The following ULK4 variants were observed in gnomAD, a reference collection of about 807,000 sequenced individuals.
ULK4 encodes the protein inactive serine/threonine-protein kinase ULK4.
Under a neutral mutation model 160.6 loss-of-function variants are expected in ULK4, and 133 were observed. That is an observed-to-expected ratio of 0.83 (90% CI 0.72 to 0.96). The LOEUF is 0.96. Ranked by LOEUF, ULK4 falls within the 40% of genes least tolerant of loss-of-function variation. ULK4 has a pLI of 0.00. For synonymous variants in ULK4, 534 were observed against 539.8 expected (o/e 0.99, Z 0.15); for missense variants, 1,580 against 1,499.5 (o/e 1.05, Z -0.89).
chr3:41,934,443 T>C (rs1226235794), intron 4 of ULK4, among the ~76,000 whole-genome samples: 1 of 152,186 alleles, frequency 6.6e-6, no homozygotes, highest in Non-Finnish European at 1.5e-5. Context: ...AAGTAAAAAC[T>C]CAGACCAGTA....
chr3:41,876,390 A>G (rs888724228), intron 17 of ULK4, among the ~76,000 whole-genome samples: 1 of 152,246 alleles, frequency 6.6e-6, no homozygotes, highest in African/African-American at 2.4e-5. Flanking sequence ...AAACTGGTAA[A>G]TACTTATTTA....
At chr3:41,350,650 T>C (rs537580765) in intron 35 of ULK4, among the ~76,000 whole-genome samples, 1 of 152,318 alleles carries the variant, frequency 6.6e-6, no homozygotes, top group African/African-American at 2.4e-5. Flanking sequence ...CTTAACTGTC[T>C]TTCCTAAGTG....
intron 32 of ULK4, among the ~76,000 whole-genome samples, chr3:41,557,526 A>G (rs1184831830): frequency 6.6e-6 from 1 of 151,558 alleles, no homozygotes; most frequent in Non-Finnish European, 1.5e-5. Context: ...AGTGCTTTGG[A>G]AGTCCGAGGT....
At chr3:41,377,741 T>C (rs949180810) in intron 35 of ULK4, among the ~76,000 whole-genome samples, 12 of 148,248 alleles carry the variant, frequency 8.1e-5, no homozygotes, top group Non-Finnish European at 1.8e-4. Context: ...CTGTAGAGGA[T>C]GTGGAGAAAT....
At chr3:41,779,723 A>T (rs1199189438) in intron 21 of ULK4, among the ~76,000 whole-genome samples, 1 of 57,452 alleles carries the variant, frequency 1.7e-5, no homozygotes, top group Non-Finnish European at 3.1e-5. Context: ...TTCTCAGTAA[A>T]CTATCGCAAG....
rs546904116 is a variant in ULK4, at chr3:41,877,890, A to C, written c.1656+5984T>G. On this transcript the variant is annotated intron_variant, in intron 17 of 36. Coordinates refer to ENST00000301831, the MANE Select transcript of ULK4 (RefSeq NM_017886.4). Reference sequence around the variant, plus strand: ...CAGCTACTCAAGAGGCTAAGGCAGGAGAATCGCTTGAACCCGGGAGGCAGA... The same window carrying C: ...CAGCTACTCAAGAGGCTAAGGCAGGCGAATCGCTTGAACCCGGGAGGCAGA... Among the ~76,000 whole-genome samples, 6 of 152,094 alleles carry C rather than the reference A, an allele frequency of 3.9e-5. No homozygotes were observed. In the South Asian group the frequency reaches 1.0e-3, roughly 26 times the overall value.
intron 34 of ULK4, among the ~76,000 whole-genome samples, chr3:41,446,075 G>C (rs1575230084): frequency 6.6e-6 from 1 of 152,118 alleles, no homozygotes; most frequent in Non-Finnish European, 1.5e-5. Flanking sequence ...GATATGAACA[G>C]ACACTTCTCA....
intron 17 of ULK4, among the ~76,000 whole-genome samples, chr3:41,840,085 T>C (rs1008287101): frequency 6.6e-6 from 1 of 152,062 alleles, no homozygotes; most frequent in Non-Finnish European, 1.5e-5. Flanking sequence ...ATTATAAAAG[T>C]TATATGGAAA....
rs534314157 is a variant in ULK4, at chr3:41,941,311, T to A, written c.139-3114A>T. Among the ~76,000 whole-genome samples, 8 of 132,182 alleles carry A rather than the reference T, an allele frequency of 6.1e-5. No homozygotes were observed. In the Admixed American group the frequency reaches 6.3e-4, roughly 10 times the overall value. The allele number at this position is 132,182 out of a possible 152,430, so 86.7% of individuals were successfully genotyped here. On this transcript the variant is annotated intron_variant, in intron 2 of 36. Coordinates refer to ENST00000301831, the MANE Select transcript of ULK4 (RefSeq NM_017886.4). The stretch of plus-strand genomic sequence containing the variant: ...CCTCAGCCTCCCAAAGTGCTGGGAT[T>A]ACAGGCATGAGTCACTGTGCCCAGC...
intron 22 of ULK4, among the ~76,000 whole-genome samples, chr3:41,733,330 C>G (rs2125868089): frequency 6.6e-6 from 1 of 152,030 alleles, no homozygotes; most frequent in Admixed American, 6.6e-5. Flanking sequence ...GGTGTTGTCT[C>G]TGAAACCATT....
At chr3:41,325,845 G>C (rs1048842379) in intron 35 of ULK4, among the ~76,000 whole-genome samples, 1 of 152,072 alleles carries the variant, frequency 6.6e-6, no homozygotes, top group Non-Finnish European at 1.5e-5. Flanking sequence ...CTAGAACCAG[G>C]GAGGTGGAGG....
intron 17 of ULK4, among the ~76,000 whole-genome samples, chr3:41,871,686 G>A (rs551257845): frequency 6.6e-6 from 1 of 152,008 alleles, no homozygotes; most frequent in African/African-American, 2.4e-5. Flanking sequence ...TTTTCTAATC[G>A]AATATTTTTT....
chr3:41,830,414 A>C (rs962456215), intron 18 of ULK4, among the ~76,000 whole-genome samples: 3 of 152,146 alleles, frequency 2.0e-5, no homozygotes, highest in Admixed American at 2.0e-4. Flanking sequence ...ACAAGTCTAT[A>C]TAAAGAAAGC....
chr3:41,637,611 T>C (rs1374587465), intron 30 of ULK4, among the ~76,000 whole-genome samples: 1 of 152,210 alleles, frequency 6.6e-6, no homozygotes, highest in Admixed American at 6.5e-5. Flanking sequence ...TTGAGGAACC[T>C]CTATACTGTT....
At chr3:41,732,790 C>T (rs2037877298) in intron 22 of ULK4, among the ~76,000 whole-genome samples, 3 of 151,962 alleles carry the variant, frequency 2.0e-5, no homozygotes, top group Non-Finnish European at 2.9e-5. Flanking sequence ...AATATTCAAC[C>T]ATAAAAAGAA....
chr3:41,441,373 A>G (rs1176949570), intron 34 of ULK4, among the ~76,000 whole-genome samples: 1 of 152,028 alleles, frequency 6.6e-6, no homozygotes, highest in African/African-American at 2.4e-5. Flanking sequence ...AGTTCAAGAT[A>G]TTCTTTTCGA....
intron 34 of ULK4, among the ~76,000 whole-genome samples, chr3:41,438,417 C>G (rs2083084645): frequency 6.6e-6 from 1 of 152,118 alleles, no homozygotes; most frequent in Admixed American, 6.5e-5. Flanking sequence ...ATGTGACCTT[C>G]CAGTCAGGAT....
chr3:41,676,415 T>C (rs572712568), intron 29 of ULK4, among the ~76,000 whole-genome samples: 1 of 152,182 alleles, frequency 6.6e-6, no homozygotes, highest in Admixed American at 6.5e-5. Flanking sequence ...TGAGAAACCC[T>C]GAGCTTTAGA....
At chr3:41,641,167 C>T (rs1224512392) in intron 30 of ULK4, among the ~76,000 whole-genome samples, 1 of 152,164 alleles carries the variant, frequency 6.6e-6, no homozygotes, top group East Asian at 1.9e-4. Flanking sequence ...ACGCAATATC[C>T]ATTGTCACCC....
Sources: allele counts gnomAD v4.1 joint callset (sites outside exome capture counted in the v4.1 genomes callset), GRCh38; gene constraint gnomAD v4.1.1; transcripts MANE v1.5; gene names NCBI Gene and HGNC (gene_info 2026-07-23, HGNC 2026-07-21).